The following VAV3 variants were observed in gnomAD, a reference collection of about 807,000 sequenced individuals.
VAV3 encodes vav guanine nucleotide exchange factor 3.
In VAV3, 94 loss-of-function variants were observed where a neutral mutation model predicts 131.2. The observed-to-expected ratio is 0.72, with a 90% CI of 0.61 to 0.85. VAV3 has a LOEUF of 0.85. Ranked by LOEUF, VAV3 falls within the 40% of genes least tolerant of loss-of-function variation. VAV3 has a pLI of 0.00. For missense variants in VAV3, 939 were observed against 1,002.7 expected (o/e 0.94, Z 0.86); for synonymous variants, 349 against 342.0 (o/e 1.02, Z -0.22).
intron 2 of VAV3, chr1:107,785,603 G>A (rs1046417690): frequency 8.6e-7 from 1 of 1,156,456 alleles, no homozygotes; most frequent in Non-Finnish European, 1.1e-6. Context: ...TCAAGGCACA[G>A]ATGTTGCATC....
intron 4 of VAV3, among the ~76,000 whole-genome samples, chr1:107,775,837 C>T (rs1253670930): frequency 1.3e-5 from 2 of 152,076 alleles, no homozygotes; most frequent in Non-Finnish European, 2.9e-5. Flanking sequence ...CTGGAAAGAG[C>T]TGCTGGCCAT....
intron 20 of VAV3, among the ~76,000 whole-genome samples, chr1:107,623,799 A>C (rs1455545440): frequency 1.3e-5 from 2 of 152,166 alleles, no homozygotes; most frequent in Non-Finnish European, 2.9e-5. Context: ...ATGATCCTTA[A>C]CTTTTGTCCA....
In VAV3 at chr1:107,749,507, C is replaced by G; in HGVS notation, c.1347G>C (p.Gln449His). 1.2e-6 allele frequency: 2 copies of G among 1,611,494 alleles called. No individual in the cohort carries two copies. The highest frequency in any genetic ancestry group is 1.7e-6 in the Non-Finnish European group (2 of 1,179,220). ...TTGTAGGATTATTGGCTATCTTGTA[C>G]TGCTGAAGATCTATTATTTCCTTCA... Reference protein sequence around the residue: ...YEMKEIIDLQQYKIANNPTTD... With the variant: ...YEMKEIIDLQHYKIANNPTTD... Residue 449 changes from glutamine to histidine, a missense_variant, in exon 14 of 27, where the codon CAG becomes CAC. Coordinates refer to ENST00000370056, the MANE Select transcript of VAV3 (RefSeq NM_006113.5).
intron 15 of VAV3, among the ~76,000 whole-genome samples, chr1:107,722,840 C>CTCTCT (rs371987024): frequency 0.14 from 17,897 of 129,742 alleles, 1,471 homozygotes; most frequent in South Asian, 0.27. Context: ...ATTATCCTCT[C>CTCTCT]TTTTTTTTTT....
chr1:107,794,958 C>T lies in VAV3; in HGVS notation c.322-15466G>A, dbSNP rs76196430. On this transcript the variant is annotated intron_variant, in intron 2 of 26. Transcript: ENST00000370056. ...AAGAGTATTCAGCATTGTTCTCTGA[C>T]GGTTTTTCATTGTTATTTCATTTCA... is the stretch of plus-strand genomic sequence containing the variant. 3.8e-3 allele frequency among the ~76,000 whole-genome samples: 573 copies of T among 152,240 alleles called. 29 individuals are homozygous for T. The East Asian group carries it at 0.091, about 24-fold the overall frequency.
At chr1:107,724,775 C>T (rs947336668) in intron 15 of VAV3, among the ~76,000 whole-genome samples, 4 of 151,720 alleles carry the variant, frequency 2.6e-5, no homozygotes, top group Non-Finnish European at 4.4e-5. Context: ...AGGAGCCTGG[C>T]ATGTTCTGGA....
At chr1:107,606,191 T>G (rs1652254983) in intron 22 of VAV3, among the ~76,000 whole-genome samples, 1 of 152,184 alleles carries the variant, frequency 6.6e-6, no homozygotes, top group African/African-American at 2.4e-5. Flanking sequence ...AATTCATAGT[T>G]TGGCTATGAA....
intron 19 of VAV3, among the ~76,000 whole-genome samples, chr1:107,672,826 A>G (rs1270384124): frequency 6.6e-6 from 1 of 152,232 alleles, no homozygotes; most frequent in Non-Finnish European, 1.5e-5. Context: ...CTATGATATG[A>G]TAGTAAGATA....
chr1:107,699,218 T>C (rs1344061202), intron 17 of VAV3, among the ~76,000 whole-genome samples: 1 of 152,218 alleles, frequency 6.6e-6, no homozygotes, highest in East Asian at 1.9e-4. Flanking sequence ...CCTCCCAAGA[T>C]ACAATAGGGG....
chr1:107,853,157 T>C (rs1338601958), intron 2 of VAV3, among the ~76,000 whole-genome samples: 2 of 152,192 alleles, frequency 1.3e-5, no homozygotes, highest in Non-Finnish European at 2.9e-5. Context: ...CATTTATGTA[T>C]TGATCTAGGA....
At chr1:107,812,851 C>T (rs1029154568) in intron 2 of VAV3, among the ~76,000 whole-genome samples, 6 of 152,034 alleles carry the variant, frequency 3.9e-5, no homozygotes, top group African/African-American at 7.2e-5. Flanking sequence ...AGGCCGGGCA[C>T]GGTGGCTCAC....
intron 19 of VAV3, among the ~76,000 whole-genome samples, chr1:107,661,661 T>C (rs960676042): frequency 2.6e-5 from 4 of 152,196 alleles, no homozygotes; most frequent in Non-Finnish European, 5.9e-5. Flanking sequence ...TATGTGCATG[T>C]TTATCATTAA....
chr1:107,683,853 C>A (rs1658830025), intron 18 of VAV3, among the ~76,000 whole-genome samples: 1 of 152,176 alleles, frequency 6.6e-6, no homozygotes, highest in Non-Finnish European at 1.5e-5. Context: ...CAAAGCCCAG[C>A]AGCCATCTTG....
At chr1:107,790,939 G>A (rs961095997) in intron 2 of VAV3, among the ~76,000 whole-genome samples, 3 of 151,966 alleles carry the variant, frequency 2.0e-5, no homozygotes, top group Non-Finnish European at 2.9e-5. Context: ...GCCCGCCTCG[G>A]ACTCCCAAAC....
intron 25 of VAV3, among the ~76,000 whole-genome samples, chr1:107,588,301 ATAAC>A (rs1460513285): frequency 6.6e-6 from 1 of 152,246 alleles, no homozygotes; most frequent in Non-Finnish European, 1.5e-5. Flanking sequence ...GCAATATGTT[ATAAC>A]TAACTTAGTC....
intron 15 of VAV3, among the ~76,000 whole-genome samples, chr1:107,724,365 T>C (rs898906096): frequency 2.0e-5 from 3 of 151,970 alleles, no homozygotes; most frequent in African/African-American, 7.3e-5. Flanking sequence ...TGAAGTTATA[T>C]GGCACTTACA....
intron 2 of VAV3, among the ~76,000 whole-genome samples, chr1:107,827,345 G>GTT: frequency 6.6e-6 from 1 of 152,204 alleles, no homozygotes; most frequent in East Asian, 1.9e-4. Context: ...TTACAAATGA[G>GTT]GTCACTGTTC....
chr1:107,575,453 C>T (rs1055305677), intron 25 of VAV3, among the ~76,000 whole-genome samples: 3 of 152,118 alleles, frequency 2.0e-5, no homozygotes, highest in African/African-American at 7.2e-5. Context: ...TTTTTTTAGA[C>T]TCCAGGTGTC....
At chr1:107,822,962 G>T (rs1571002225) in intron 2 of VAV3, among the ~76,000 whole-genome samples, 1 of 152,070 alleles carries the variant, frequency 6.6e-6, no homozygotes, top group South Asian at 2.1e-4. Flanking sequence ...AAATAAACAG[G>T]CCATAAAATT....
Sources: gnomAD v4.1 joint callset for allele counts (sites outside exome capture counted in the v4.1 genomes callset) on GRCh38, gnomAD v4.1.1 for gene constraint, MANE v1.5 for transcripts, NCBI Gene and HGNC (gene_info 2026-07-23, HGNC 2026-07-21) for gene names.